The following IQCM variants were observed in gnomAD, a reference collection of about 807,000 sequenced individuals.
IQCM encodes IQ motif containing M, also known as IQ domain-containing protein M.
Under a neutral mutation model 57.6 loss-of-function variants are expected in IQCM, and 45 were observed. The ratio of observed to expected loss-of-function variants is 0.78; its 90% CI spans 0.62 to 1.00. IQCM has a LOEUF of 1.00. IQCM is among the 50% of genes least tolerant of loss of function. The pLI is 0.00. For synonymous variants in IQCM, 148 were observed against 158.9 expected (o/e 0.93, Z 0.51); for missense variants, 468 against 511.6 (o/e 0.91, Z 0.82).
intron 2 of IQCM, among the ~76,000 whole-genome samples, chr4:149,788,871 T>C (rs915261153): frequency 4.6e-5 from 7 of 152,178 alleles, no homozygotes; most frequent in Admixed American, 3.9e-4. Flanking sequence ...GAGGTCATTA[T>C]GTTAAGTGAA....
At chr4:149,377,261 T>C (rs1344350946) in intron 13 of IQCM, among the ~76,000 whole-genome samples, 1 of 152,168 alleles carries the variant, frequency 6.6e-6, no homozygotes, top group Non-Finnish European at 1.5e-5. Context: ...AAATACAACA[T>C]ATTGAAATCT....
chr4:149,746,481 G>A (rs1767945291), intron 2 of IQCM, among the ~76,000 whole-genome samples: 1 of 152,110 alleles, frequency 6.6e-6, no homozygotes, highest in Admixed American at 6.6e-5. Context: ...CCACACAGCA[G>A]GAGTGATCTT....
intron 13 of IQCM, among the ~76,000 whole-genome samples, chr4:149,389,397 A>G (rs946033066): frequency 6.6e-6 from 1 of 152,006 alleles, no homozygotes; most frequent in African/African-American, 2.4e-5. Context: ...TGCTATAAAG[A>G]CACATGCACA....
intron 7 of IQCM, among the ~76,000 whole-genome samples, chr4:149,634,921 G>A (rs1048323830): frequency 2.0e-5 from 3 of 152,148 alleles, no homozygotes; most frequent in Non-Finnish European, 2.9e-5. Flanking sequence ...ATGGGTGCAT[G>A]GATAAAATAA....
Position 149,783,719 on chromosome 4 carries a change from T to C in IQCM, c.-49+31592A>G, listed in dbSNP as rs1430047834. ...TCTATAATTACATTATATAAGACTATCTCATCAGACTAGAGAGAGAGGCTC... is the reference window on the plus strand; with the variant it reads ...TCTATAATTACATTATATAAGACTACCTCATCAGACTAGAGAGAGAGGCTC... On this transcript the variant is annotated intron_variant, in intron 2 of 13. Coordinates refer to ENST00000636793, the MANE Select transcript of IQCM (RefSeq NM_001363507.2). 4.6e-5 allele frequency among the ~76,000 whole-genome samples: 7 copies of C among 152,228 alleles called. No individual in the cohort carries two copies. The East Asian group carries it at 1.4e-3, about 29-fold the overall frequency.
chr4:149,588,165 A>C (rs1300649762), intron 8 of IQCM, among the ~76,000 whole-genome samples, 168 bp from the exon 9 acceptor site: 1 of 151,772 alleles, frequency 6.6e-6, no homozygotes, highest in Non-Finnish European at 1.5e-5. Context: ...GAGGGGTATG[A>C]CTGTTGAACC....
At chr4:149,454,147 G>GATATATATATATAT (rs34730850) in intron 12 of IQCM, among the ~76,000 whole-genome samples, 3 of 127,354 alleles carry the variant, frequency 2.4e-5, no homozygotes, top group Non-Finnish European at 5.0e-5. Context: ...AAGAAAATGT[G>GATATATATATATAT]ATATATATAT....
intron 12 of IQCM, among the ~76,000 whole-genome samples, chr4:149,482,869 A>G (rs1023315659): frequency 6.6e-6 from 1 of 151,632 alleles, no homozygotes; most frequent in African/African-American, 2.4e-5. Flanking sequence ...AATGTTTGGT[A>G]TAATTCAGCA....
At chr4:149,643,349 A>C (rs551663072) in intron 7 of IQCM, among the ~76,000 whole-genome samples, 2 of 152,200 alleles carry the variant, frequency 1.3e-5, no homozygotes, top group Non-Finnish European at 2.9e-5. Flanking sequence ...GGGAAAAGTA[A>C]ATTTTAAAAA....
intron 13 of IQCM, among the ~76,000 whole-genome samples, chr4:149,383,339 G>A (rs1560790850): frequency 6.6e-6 from 1 of 152,084 alleles, no homozygotes; most frequent in African/African-American, 2.4e-5. Context: ...GAAATCATAA[G>A]TAAAAAACGA....
intron 13 of IQCM, among the ~76,000 whole-genome samples, chr4:149,429,549 G>A (rs1734680014): frequency 6.6e-6 from 1 of 151,814 alleles, no homozygotes; most frequent in African/African-American, 2.4e-5. Flanking sequence ...TAATTTGTTA[G>A]CAACCCAAGC....
At chr4:149,764,884 T>C (rs979165120) in intron 2 of IQCM, among the ~76,000 whole-genome samples, 1 of 152,108 alleles carries the variant, frequency 6.6e-6, no homozygotes, top group Non-Finnish European at 1.5e-5. Context: ...ACTTCAACCA[T>C]AGCTCAAACT....
intron 13 of IQCM, among the ~76,000 whole-genome samples, chr4:149,391,147 G>A (rs1195081568): frequency 6.6e-6 from 1 of 151,752 alleles, no homozygotes; most frequent in African/African-American, 2.4e-5. Context: ...TTATGAGAAG[G>A]GTTTTAACTA....
At chr4:149,422,415 G>A (rs1734181167) in intron 13 of IQCM, among the ~76,000 whole-genome samples, 1 of 151,878 alleles carries the variant, frequency 6.6e-6, no homozygotes, top group Non-Finnish European at 1.5e-5. Flanking sequence ...AAGCAATAGG[G>A]GGAGCGGGCA....
At chr4:149,486,532 A>G (rs1488260369) in intron 12 of IQCM, among the ~76,000 whole-genome samples, 2 of 152,110 alleles carry the variant, frequency 1.3e-5, no homozygotes, top group Non-Finnish European at 2.9e-5. Context: ...GTGAATCACA[A>G]GGTCAGGAGT....
intron 12 of IQCM, among the ~76,000 whole-genome samples, chr4:149,519,820 C>T (rs377728564): frequency 7.9e-5 from 12 of 151,624 alleles, no homozygotes; most frequent in East Asian, 3.9e-4. Flanking sequence ...CTGGCTAACA[C>T]GGTGAAACCC....
chr4:149,813,026 T>C (rs981021370), intron 2 of IQCM, among the ~76,000 whole-genome samples: 1 of 152,196 alleles, frequency 6.6e-6, no homozygotes, highest in Non-Finnish European at 1.5e-5. Context: ...CGGTGAACTT[T>C]TTCATTGCAT....
In IQCM at chr4:149,454,207, T is replaced by C. The variant is rs990986941; in HGVS notation, c.1229-20650A>G. The stretch of plus-strand genomic sequence containing the variant: ...ACACACACACACACATATAAACACA[T>C]ACACACACAATTACAATTTATGGTG... On this transcript the variant is annotated intron_variant, in intron 12 of 13. Coordinates refer to ENST00000636793, the MANE Select transcript of IQCM (RefSeq NM_001363507.2). 2.7e-5 allele frequency among the ~76,000 whole-genome samples: 4 copies of C among 145,788 alleles called. No individual in the cohort carries two copies. In the South Asian group the frequency reaches 8.8e-4, roughly 32 times the overall value.
chr4:149,732,465 T>A (rs1056193149), intron 5 of IQCM, among the ~76,000 whole-genome samples: 5 of 152,168 alleles, frequency 3.3e-5, no homozygotes, highest in Admixed American at 3.3e-4. Context: ...CTCACCCTCT[T>A]ACAGCAACTG....
Sources: gnomAD v4.1 joint callset for allele counts (sites outside exome capture counted in the v4.1 genomes callset) on GRCh38, gnomAD v4.1.1 for gene constraint, MANE v1.5 for transcripts, NCBI Gene and HGNC (gene_info 2026-07-23, HGNC 2026-07-21) for gene names.